Variants in ADAMTS20 observed in about 807,000 individuals in gnomAD.
ADAMTS20 encodes the protein ADAM metallopeptidase with thrombospondin type 1 motif 20, also known as A disintegrin and metalloproteinase with thrombospondin motifs 20.
A neutral mutation model predicts 260.1 loss-of-function variants in ADAMTS20; 225 were observed. That is an observed-to-expected ratio of 0.87 (90% confidence interval 0.78 to 0.97). The LOEUF (loss-of-function observed/expected upper bound fraction) is 0.97. ADAMTS20 is among the 50% of genes least tolerant of loss of function. The pLI, the probability that ADAMTS20 is intolerant of heterozygous loss-of-function variation, is 0.00. For synonymous variants in ADAMTS20, 802 were observed against 769.5 expected, an observed-to-expected ratio of 1.04 and a Z score of -0.70; for missense variants, 2,400 against 2,337.7, an observed-to-expected ratio of 1.03 and a Z score of -0.55.
Position 43,428,710 on chromosome 12 carries a change from G to T in ADAMTS20, c.3579C>A (p.Ala1193=). The T allele has an allele frequency of 6.2e-7, 1 of 1,612,472 alleles. No homozygotes were observed. The highest frequency in any genetic ancestry group is 1.1e-5 in the South Asian group (1 of 90,966). The change falls in exon 25 of 39, where the codon GCC becomes GCA. Residue 1193 remains alanine, a synonymous_variant. Coordinates refer to ENST00000389420, the MANE Select transcript of ADAMTS20 (RefSeq NM_025003.5). ...LDRIADESYC[A]HLPRPAEIWD... ...ATATTTCAGCAGGTCGGGGTAAGTG[G>T]GCACAATATGATTCATCTGCTATTC... is the stretch of plus-strand genomic sequence containing the variant.
chr12:43,496,665 G>A (rs1942681856), intron 4 of ADAMTS20, among the ~76,000 whole-genome samples: 1 of 152,068 alleles, frequency 6.6e-6, no homozygotes, highest in South Asian at 2.1e-4. Flanking sequence ...TCCATGTTGA[G>A]GCACTGGGTA....
chr12:43,474,476 C>T lies in ADAMTS20; in HGVS notation c.1118-5771G>A, dbSNP rs1483518121. 8.1e-4 allele frequency among the ~76,000 whole-genome samples: 119 copies of T among 146,204 alleles called. 2 individuals are homozygous for T. Among genetic ancestry groups the T allele is most frequent in the African/African-American group, 2.6e-3 (103 of 39,588 alleles). Reference sequence around the variant, plus strand: ...TCAATAGAAAAAGAGGGAATCCTCCCTAACTCATTTTATGAGGCCAGCATC... The same window carrying T: ...TCAATAGAAAAAGAGGGAATCCTCCTTAACTCATTTTATGAGGCCAGCATC... On this transcript the variant is annotated intron_variant, in intron 7 of 38. Coordinates refer to ENST00000389420, the MANE Select transcript of ADAMTS20 (RefSeq NM_025003.5).
At position 43,431,376 on chromosome 12, in the gene ADAMTS20, C is replaced by T; in HGVS notation, c.3217G>A (p.Glu1073Lys). ...STKPESLSPC[E>K]LHTCASWQVG... ...TGCCAGGAAGCACATGTATGAAGTT[C>T]ACATGGACTCAGAGATTCAGGTTTG... The change falls in exon 22 of 39, where the codon GAA becomes AAA. Residue 1073 changes from glutamate (E) to lysine (K), a missense_variant. Coordinates refer to ENST00000389420, the MANE Select transcript of ADAMTS20 (RefSeq NM_025003.5). 1 of 1,613,926 alleles carries T rather than the reference C, an allele frequency of 6.2e-7. No individual in the cohort carries two copies. Among genetic ancestry groups the T allele is most frequent in the Non-Finnish European group, 8.5e-7 (1 of 1,179,836 alleles).
chr12:43,551,695 T>C lies in ADAMTS20; in HGVS notation c.91+136A>G. 4 of 904,260 alleles carry C rather than the reference T, an allele frequency of 4.4e-6. No homozygotes were observed. Among genetic ancestry groups the C allele is most frequent in the Non-Finnish European group, 6.8e-6 (4 of 585,808 alleles). The allele number at this position is 904,260 out of a possible 1,614,324, so 56.0% of individuals were successfully genotyped here. On this transcript the variant is annotated intron_variant, in intron 1 of 38. Transcript: ENST00000389420. The surrounding 1 kb of genome is among the most constrained non-coding windows in gnomAD (Gnocchi z 4.6). Reference sequence around the variant, plus strand: ...CGCAGTCGCGACCTCTCCGGCTGACTGGTCCGGGAGTCCCGGGAGCTCCAG... The same window carrying C: ...CGCAGTCGCGACCTCTCCGGCTGACCGGTCCGGGAGTCCCGGGAGCTCCAG...
intron 4 of ADAMTS20, among the ~76,000 whole-genome samples, chr12:43,493,884 A>G (rs1425413314): frequency 6.6e-6 from 1 of 152,210 alleles, no homozygotes; most frequent in Non-Finnish European, 1.5e-5. Flanking sequence ...ACAGCCCTAG[A>G]AGAGGTCATG....
rs7976990 is a variant in ADAMTS20, at chr12:43,358,604, C to T, written c.5539-2016G>A. ...CTGTAATCCCAGCACTTTGGGAGGC[C>T]GAGACGGGCGGATCACGAGGTCAGG... On this transcript the variant is annotated intron_variant, in intron 37 of 38. Transcript: ENST00000389420. Among the ~76,000 whole-genome samples the T allele has an allele frequency of 4.6e-3, 703 of 151,684 alleles. 6 individuals carry two copies. Among genetic ancestry groups the T allele is most frequent in the African/African-American group, 0.016 (657 of 41,334 alleles).
At chr12:43,374,428 C>G (rs1940177464) in intron 36 of ADAMTS20, among the ~76,000 whole-genome samples, 1 of 152,132 alleles carries the variant, frequency 6.6e-6, no homozygotes, top group Admixed American at 6.5e-5. Context: ...AGATATGTAA[C>G]TTTCTGGACA....
At chr12:43,456,244 G>C (rs1005513445) in intron 11 of ADAMTS20, among the ~76,000 whole-genome samples, 17 of 152,252 alleles carry the variant, frequency 1.1e-4, no homozygotes, top group Admixed American at 1.0e-3. Context: ...TTTTACTACA[G>C]ATAATTTGCA....
At chr12:43,546,170 A>G (rs275629) in intron 2 of ADAMTS20, among the ~76,000 whole-genome samples, 142,555 of 152,230 alleles carry the variant, frequency 0.94, 67,228 homozygotes, top group East Asian at 0.99. Context: ...GATAGTTTCT[A>G]TATTCTTATT....
At chr12:43,434,134 G>A (rs1045820239) in intron 19 of ADAMTS20, 111 bp downstream of exon 19, 14 of 1,164,746 alleles carry the variant, frequency 1.2e-5, no homozygotes, top group Non-Finnish European at 1.5e-5. Context: ...TCATGGCATG[G>A]CAGATGATGA....
chr12:43,514,560 CAAAAAAAAAAAAAAAAAAAAAAAAAA>C lies in ADAMTS20; in HGVS notation c.614-12181_614-12156del, dbSNP rs58435633. Among the ~76,000 whole-genome samples, 36 of 63,686 alleles carry C rather than the reference CAAAAAAAAAAAAAAAAAAAAAAAAAA, an allele frequency of 5.7e-4. No individual in the cohort carries two copies. The East Asian group carries it at 0.038, about 67-fold the overall frequency. 41.8% of individuals were successfully genotyped at this position (63,686 alleles called of 152,430 possible). A position where few individuals can be genotyped will look rare whatever the true frequency, so the allele number is the denominator to read the frequency against. Reference sequence around the variant, plus strand: ...CCGGTGACAGAGTGAGACTCTATCTCAAAAAAAAAAAAAAAAAAAAAAAAAAAAAAAAAAAAAAAGCATTCCACATC... The same window carrying C: ...CCGGTGACAGAGTGAGACTCTATCTCAAAAAAAAAAAAAGCATTCCACATC... On this transcript the variant is annotated intron_variant, in intron 3 of 38. Transcript: ENST00000389420.
In ADAMTS20 at chr12:43,420,800, C is replaced by CTTTTTTTTTTTTTTTTTTTTTT. The variant is rs747496684; in HGVS notation, c.4284+4692_4284+4713dup. 3.8e-3 allele frequency among the ~76,000 whole-genome samples: 210 copies of CTTTTTTTTTTTTTTTTTTTTTT among 55,506 alleles called. 30 individuals are homozygous for CTTTTTTTTTTTTTTTTTTTTTT. The highest frequency in any genetic ancestry group is 0.027 in the East Asian group (20 of 734). The allele number at this position is 55,506 out of a possible 152,430, so 36.4% of individuals were successfully genotyped here. ...TCTTCTTCTTCTCCTCCTCCTCCTT[C>CTTTTTTTTTTTTTTTTTTTTTT]TTTTTTTTTTTTTTTTTTTTTTTTT... On this transcript the variant is annotated intron_variant, in intron 28 of 38. Coordinates refer to ENST00000389420, the MANE Select transcript of ADAMTS20 (RefSeq NM_025003.5).
At position 43,485,406 on chromosome 12, in the gene ADAMTS20, GA is replaced by G. The variant is rs934014664; in HGVS notation, c.1117+4988del. ...GATAAAAATCCTCAAACTAGGCATAGAAAGAACATATCTCAAAATAATAAAA... is the reference window on the plus strand; with the variant it reads ...GATAAAAATCCTCAAACTAGGCATAGAAGAACATATCTCAAAATAATAAAA... On this transcript the variant is annotated intron_variant, in intron 7 of 38. Coordinates refer to ENST00000389420, the MANE Select transcript of ADAMTS20 (RefSeq NM_025003.5). Among the ~76,000 whole-genome samples, 8 of 152,070 alleles carry G rather than the reference GA, an allele frequency of 5.3e-5. No individual in the cohort carries two copies. The South Asian group carries it at 1.5e-3, about 28-fold the overall frequency.
rs370008149 is a variant in ADAMTS20, at chr12:43,492,588, C to T, written c.993G>A (p.Lys331=). 1 of 1,613,574 alleles carries T rather than the reference C, an allele frequency of 6.2e-7. No individual in the cohort carries two copies. The highest frequency in any genetic ancestry group is 1.7e-5 in the Admixed American group (1 of 59,972). The change falls in exon 6 of 39, where the codon AAG becomes AAA. Residue 331 remains lysine (K), a synonymous_variant. Coordinates refer to ENST00000389420, the MANE Select transcript of ADAMTS20 (RefSeq NM_025003.5). ...VINFDGATTL[K]NFCSWQQTQN... ...GAGTTTGTTGCCATGAACAAAAGTTCTTTAATGTGGTAGCACCATCAAAAT... is the reference window on the plus strand; with the variant it reads ...GAGTTTGTTGCCATGAACAAAAGTTTTTTAATGTGGTAGCACCATCAAAAT...
At chr12:43,397,637 CA>C (rs1454874266) in intron 29 of ADAMTS20, among the ~76,000 whole-genome samples, 4 of 152,036 alleles carry the variant, frequency 2.6e-5, no homozygotes, top group Non-Finnish European at 5.9e-5. Context: ...GTGACATTTA[CA>C]AAATAAAACA....
intron 19 of ADAMTS20, among the ~76,000 whole-genome samples, chr12:43,433,050 A>G (rs888759215): frequency 1.3e-5 from 2 of 152,118 alleles, no homozygotes; most frequent in African/African-American, 4.8e-5. Flanking sequence ...TCTGAAAACA[A>G]CTGGTTTAGA....
At chr12:43,498,754 G>T (rs1377668866) in intron 4 of ADAMTS20, among the ~76,000 whole-genome samples, 1 of 152,068 alleles carries the variant, frequency 6.6e-6, no homozygotes, top group Admixed American at 6.6e-5. Context: ...GGATTTGATC[G>T]CTACACAGTG....
intron 19 of ADAMTS20, 105 bp from the exon 20 acceptor site, chr12:43,432,916 C>G: frequency 9.8e-7 from 1 of 1,021,278 alleles, no homozygotes. Flanking sequence ...AGTTGATAGA[C>G]AAACCACCAA....
At chr12:43,542,455 A>T (rs1943389544) in intron 2 of ADAMTS20, among the ~76,000 whole-genome samples, 1 of 152,208 alleles carries the variant, frequency 6.6e-6, no homozygotes, top group Non-Finnish European at 1.5e-5. Flanking sequence ...GTTTATTTTT[A>T]AAATTTTTTA....
Sources: gnomAD v4.1 joint callset for allele counts (sites outside exome capture counted in the v4.1 genomes callset) on GRCh38, gnomAD v4.1.1 for gene constraint, Gnocchi (gnomAD v3.1) non-coding constraint, MANE v1.5 for transcripts, NCBI Gene and HGNC (gene_info 2026-07-23, HGNC 2026-07-21) for gene names.